PPP2R2C: variants seen among roughly 807,000 people sequenced by gnomAD.
PPP2R2C encodes the protein protein phosphatase 2, regulatory subunit B, gamma.
A neutral mutation model predicts 45.3 loss-of-function variants in PPP2R2C; 10 were observed. The observed-to-expected ratio is 0.22, with a 90% CI of 0.14 to 0.37. The LOEUF (loss-of-function observed/expected upper bound fraction) is 0.37. Among genes scored for constraint, PPP2R2C ranks in the 10% least tolerant of loss-of-function variants. PPP2R2C has a pLI of 1.00. For synonymous variants in PPP2R2C, 257 were observed against 245.4 expected (o/e 1.05, Z -0.44); for missense variants, 308 against 619.7 (o/e 0.50, Z 5.34).
In PPP2R2C at chr4:6,378,280, G is replaced by C; in HGVS notation, c.334+127C>G. On this transcript the variant is annotated intron_variant, in intron 3 of 8. Coordinates refer to ENST00000382599, the MANE Select transcript of PPP2R2C (RefSeq NM_020416.4). This position sits in a 1 kb window ranked among gnomAD's most constrained non-coding sequence, Gnocchi z 5.2. ...ATGGGATTTATATGCTGCTCAAAAA[G>C]GATATTATTTTCTAGGCGTTCTGAA... 6.5e-7 allele frequency: 1 copy of C among 1,530,902 alleles called. No homozygotes were observed. The highest frequency in any genetic ancestry group is 8.8e-7 in the Non-Finnish European group (1 of 1,141,418). 94.8% of individuals were successfully genotyped at this position (1,530,902 alleles called of 1,614,324 possible). A position where few individuals can be genotyped will look rare whatever the true frequency, so the allele number is the denominator to read the frequency against.
chr4:6,549,779 C>G (rs1685324456), intron 1 of PPP2R2C, among the ~76,000 whole-genome samples: 1 of 152,232 alleles, frequency 6.6e-6, no homozygotes, highest in African/African-American at 2.4e-5. Context: ...CCACGTAGGG[C>G]CTGGCACACA....
chr4:6,449,102 G>C (rs1291177383), intron 1 of PPP2R2C, among the ~76,000 whole-genome samples: 2 of 152,094 alleles, frequency 1.3e-5, no homozygotes, highest in African/African-American at 4.8e-5. Context: ...CCCCACGCAG[G>C]CATCACACAC....
chr4:6,453,628 G>C (rs1248830263), intron 1 of PPP2R2C, among the ~76,000 whole-genome samples: 13 of 152,200 alleles, frequency 8.5e-5, no homozygotes, highest in South Asian at 4.2e-4. Context: ...CAGACCACCG[G>C]GGCTGTAATG....
intron 1 of PPP2R2C, among the ~76,000 whole-genome samples, chr4:6,544,465 C>A (rs1035710892): frequency 6.6e-6 from 1 of 152,162 alleles, no homozygotes; most frequent in African/African-American, 2.4e-5. Context: ...AACTCAGCCT[C>A]CTGAGTAGCT....
chr4:6,561,117 C>T (rs1725558942), intron 1 of PPP2R2C, among the ~76,000 whole-genome samples: 1 of 152,262 alleles, frequency 6.6e-6, no homozygotes, highest in Admixed American at 6.5e-5. Context: ...CAGGTACCAA[C>T]TGTCTCAACC....
At chr4:6,383,970 C>A (rs570299952) in intron 1 of PPP2R2C, 2 of 986,204 alleles carry the variant, frequency 2.0e-6, no homozygotes, top group Non-Finnish European at 2.4e-6. Flanking sequence ...AGTGGGATGA[C>A]GGGCTGGACG....
intron 1 of PPP2R2C, among the ~76,000 whole-genome samples, chr4:6,411,870 A>G (rs1244201162): frequency 6.6e-6 from 1 of 152,196 alleles, no homozygotes; most frequent in Non-Finnish European, 1.5e-5. Flanking sequence ...GACTTTTCTA[A>G]CAGCCCACTA....
intron 2 of PPP2R2C, among the ~76,000 whole-genome samples, chr4:6,514,281 G>T (rs887788155): frequency 6.6e-6 from 1 of 152,198 alleles, no homozygotes; most frequent in Non-Finnish European, 1.5e-5. Context: ...GGAGGAGTTG[G>T]TATTCTCTTT....
chr4:6,554,921 AGG>A (rs1725318883), intron 1 of PPP2R2C, among the ~76,000 whole-genome samples: 2 of 97,168 alleles, frequency 2.1e-5, no homozygotes, highest in Admixed American at 1.2e-4. Flanking sequence ...GAAGGAAGGA[AGG>A]AAGGAAGGAA....
intron 1 of PPP2R2C, among the ~76,000 whole-genome samples, chr4:6,440,082 A>G (rs963857440): frequency 1.3e-5 from 2 of 152,066 alleles, no homozygotes; most frequent in Non-Finnish European, 2.9e-5. Context: ...TGGGTGGCCC[A>G]TCTTTTCCCA....
chr4:6,411,596 A>G (rs1718204726), intron 1 of PPP2R2C, among the ~76,000 whole-genome samples: 1 of 143,438 alleles, frequency 7.0e-6, no homozygotes, highest in African/African-American at 2.6e-5. Flanking sequence ...TCTATGGCCC[A>G]GGCTGGAGTG....
chr4:6,421,500 C>G (rs1045558019), intron 1 of PPP2R2C, among the ~76,000 whole-genome samples: 2 of 152,134 alleles, frequency 1.3e-5, no homozygotes, highest in African/African-American at 4.8e-5. Context: ...AAGTGCCGCT[C>G]TAGATACTGA....
At chr4:6,333,425 G>A in intron 7 of PPP2R2C, 137 bp downstream of exon 7, 2 of 1,015,576 alleles carry the variant, frequency 2.0e-6, no homozygotes, top group Non-Finnish European at 2.8e-6. Flanking sequence ...TGAGTTGCTG[G>A]ATTTCTTCAG....
At chr4:6,541,860 G>A (rs760660715) in intron 1 of PPP2R2C, among the ~76,000 whole-genome samples, 2 of 152,192 alleles carry the variant, frequency 1.3e-5, no homozygotes, top group Non-Finnish European at 2.9e-5. Flanking sequence ...TTAAAAAAAG[G>A]GAGGAGGGGA....
chr4:6,439,581 G>C (rs1411248520), intron 1 of PPP2R2C, among the ~76,000 whole-genome samples: 1 of 152,066 alleles, frequency 6.6e-6, no homozygotes, highest in Non-Finnish European at 1.5e-5. Flanking sequence ...CCAGGCCCTG[G>C]GAGCAGCCCC....
intron 2 of PPP2R2C, among the ~76,000 whole-genome samples, chr4:6,510,989 ACAAACAAAC>A (rs1286836178): frequency 2.4e-4 from 16 of 65,600 alleles, no homozygotes; most frequent in East Asian, 1.4e-3. Context: ...ACAAAAAAAA[ACAAACAAAC>A]AAAAAAAAAA....
intron 1 of PPP2R2C, among the ~76,000 whole-genome samples, chr4:6,431,641 C>T (rs1023630892): frequency 6.6e-6 from 1 of 152,202 alleles, no homozygotes; most frequent in African/African-American, 2.4e-5. Context: ...TGTATCTGGA[C>T]CTCCCCTGGG....
Position 6,323,087 on chromosome 4 carries a change from T to G in PPP2R2C, c.*215A>C. The G allele has an allele frequency of 2.0e-6, 1 of 491,794 alleles. No individual in the cohort carries two copies. Among genetic ancestry groups the G allele is most frequent in the East Asian group, 3.3e-5 (1 of 30,534 alleles). 30.5% of individuals were successfully genotyped at this position (491,794 alleles called of 1,614,324 possible). ...GGTGAACGCTTCCTTTCCTTTTTAT[T>G]TTTTTAAACAGACAATTACTGCCAA... On this transcript the variant is annotated 3_prime_UTR_variant, in exon 9 of 9. Coordinates refer to ENST00000382599, the MANE Select transcript of PPP2R2C (RefSeq NM_020416.4).
At chr4:6,343,346 G>A (rs945591312) in intron 6 of PPP2R2C, among the ~76,000 whole-genome samples, 7 of 152,170 alleles carry the variant, frequency 4.6e-5, no homozygotes, top group African/African-American at 1.4e-4. Flanking sequence ...GAAAGTTTCC[G>A]TACAGGATAT....
Sources: allele counts gnomAD v4.1 joint callset (sites outside exome capture counted in the v4.1 genomes callset), GRCh38; gene constraint gnomAD v4.1.1; non-coding constraint Gnocchi (gnomAD v3.1); transcripts MANE v1.5; gene names NCBI Gene and HGNC (gene_info 2026-07-23, HGNC 2026-07-21).